The following USO1 variants were observed in gnomAD, a reference collection of about 807,000 sequenced individuals.
USO1 encodes USO1 vesicle transport factor.
A neutral mutation model predicts 124.5 loss-of-function variants in USO1; 57 were observed. The observed-to-expected ratio is 0.46, with a 90% CI of 0.37 to 0.57. The LOEUF (loss-of-function observed/expected upper bound fraction) is 0.57. USO1 is among the 20% of genes least tolerant of loss of function. USO1 has a pLI of 0.00. For synonymous variants in USO1, 369 were observed against 362.8 expected, an observed-to-expected ratio of 1.02 and a Z score of -0.19; for missense variants, 900 against 1,040.6, an observed-to-expected ratio of 0.86 and a Z score of 1.86.
At chr4:75,742,443 A>G (rs562974161) in intron 1 of USO1, among the ~76,000 whole-genome samples, 81 of 152,334 alleles carry the variant, frequency 5.3e-4, no homozygotes, top group African/African-American at 1.8e-3. Flanking sequence ...AAAATTTTTA[A>G]CAGTGGGTTT....
At chr4:75,735,622 G>C (rs755734931) in intron 1 of USO1, among the ~76,000 whole-genome samples, 1 of 152,070 alleles carries the variant, frequency 6.6e-6, no homozygotes, top group Non-Finnish European at 1.5e-5. Flanking sequence ...CTATACTCAA[G>C]CAACCTTCCC....
In USO1 at chr4:75,800,768, T is replaced by C. The variant is rs1482583281; in HGVS notation, c.1833T>C (p.His611=). ...FPSPEYMIFD[H]EFTKLVKELE... ...GTCCAGAATACATGATATTTGATCA[T>C]GAGTTTACGAAGCTGGTAAAAGAAC... Residue 611 remains histidine, a synonymous_variant, in exon 16 of 24, where the codon CAT becomes CAC. Coordinates refer to ENST00000514213, the MANE Select transcript of USO1 (RefSeq NM_003715.4). 6.2e-7 allele frequency: 1 copy of C among 1,612,408 alleles called. No individual in the cohort carries two copies. Among genetic ancestry groups the C allele is most frequent in the African/African-American group, 1.3e-5 (1 of 74,888 alleles).
intron 12 of USO1, 112 bp downstream of exon 12, chr4:75,790,909 G>GAAA: frequency 1.7e-6 from 2 of 1,174,968 alleles, no homozygotes; most frequent in South Asian, 2.5e-5. Context: ...ATGCTTAGGA[G>GAAA]AGAAAAAAAA....
At chr4:75,739,383 G>T (rs1720889889) in intron 1 of USO1, among the ~76,000 whole-genome samples, 1 of 152,038 alleles carries the variant, frequency 6.6e-6, no homozygotes, top group African/African-American at 2.4e-5. Context: ...AGATGGTACA[G>T]CAGTGAAAAA....
chr4:75,778,999 CTG>C (rs1722147315), intron 8 of USO1, among the ~76,000 whole-genome samples: 1 of 152,286 alleles, frequency 6.6e-6, no homozygotes, highest in East Asian at 1.9e-4. Flanking sequence ...CTTCATGTCT[CTG>C]TCACAATTAA....
chr4:75,805,709 TAAAAAAA>T (rs74838987), intron 19 of USO1, among the ~76,000 whole-genome samples: 1 of 117,834 alleles, frequency 8.5e-6, no homozygotes, highest in Non-Finnish European at 1.8e-5. Context: ...ACTTTCCATC[TAAAAAAA>T]AAAAAAAAAA....
intron 1 of USO1, among the ~76,000 whole-genome samples, chr4:75,725,354 A>T (rs1306288871): frequency 2.6e-5 from 4 of 152,216 alleles, no homozygotes; most frequent in Non-Finnish European, 5.9e-5. Context: ...TTTAAAACCC[A>T]GCTGTTGGTG....
At chr4:75,807,231 A>G (rs937560162) in intron 20 of USO1, among the ~76,000 whole-genome samples, 9 of 152,172 alleles carry the variant, frequency 5.9e-5, no homozygotes, top group African/African-American at 1.7e-4. Context: ...TTACAATTAA[A>G]TAATGTAGCA....
intron 13 of USO1, among the ~76,000 whole-genome samples, chr4:75,796,897 T>C (rs1722700525): frequency 6.6e-6 from 1 of 151,300 alleles, no homozygotes; most frequent in Non-Finnish European, 1.5e-5. Flanking sequence ...TTTTCTGGTA[T>C]GTCATTTGTC....
chr4:75,770,401 A>G, intron 4 of USO1, 38 bp from the exon 5 acceptor site: 4 of 1,482,194 alleles, frequency 2.7e-6, no homozygotes, highest in Non-Finnish European at 3.6e-6. Flanking sequence ...AAAATAACCT[A>G]CTATTAAATT....
At chr4:75,724,906 G>A (rs1720352412) in intron 1 of USO1, 21 bp downstream of exon 1, 3 of 1,612,226 alleles carry the variant, frequency 1.9e-6, no homozygotes, top group Non-Finnish European at 1.7e-6. Flanking sequence ...CAGCGGGTCT[G>A]GGACTTGGGA....
chr4:75,777,702 C>T lies in USO1; in HGVS notation c.676+2906C>T, dbSNP rs1323515033. ...AAACATTGACACCACCAAATGATGG[C>T]GAAGATGTGGAACAACAAAAACACA... On this transcript the variant is annotated intron_variant, in intron 8 of 23. Transcript: ENST00000514213. 6.6e-5 allele frequency among the ~76,000 whole-genome samples: 10 copies of T among 152,166 alleles called. No homozygotes were observed. In the East Asian group the frequency reaches 1.7e-3, roughly 26 times the overall value.
chr4:75,752,889 T>G (rs1721331051), intron 3 of USO1, among the ~76,000 whole-genome samples: 1 of 152,128 alleles, frequency 6.6e-6, no homozygotes, highest in African/African-American at 2.4e-5. Context: ...CGATAAAGAT[T>G]TATTGGACAG....
chr4:75,740,310 T>C (rs1450038535), intron 1 of USO1, among the ~76,000 whole-genome samples: 1 of 152,216 alleles, frequency 6.6e-6, no homozygotes, highest in African/African-American at 2.4e-5. Context: ...TTTTTAGAGA[T>C]GGAGTCTCAC....
chr4:75,795,414 G>C, intron 13 of USO1: 1 of 691,108 alleles, frequency 1.4e-6, no homozygotes, highest in South Asian at 1.6e-5. Context: ...CTTTTTCTCT[G>C]TCTTGGGTTT....
intron 1 of USO1, among the ~76,000 whole-genome samples, chr4:75,748,951 A>T (rs112961296): frequency 1.5e-4 from 23 of 151,824 alleles, no homozygotes; most frequent in Admixed American, 3.9e-4. Context: ...TAGTAAAAAA[A>T]ATATATATAT....
At position 75,724,845 on chromosome 4, in the gene USO1, G is replaced by A; in HGVS notation, c.26G>A (p.Gly9Glu). The A allele has an allele frequency of 6.2e-7, 1 of 1,613,862 alleles. No homozygotes were observed. Among genetic ancestry groups the A allele is most frequent in the Non-Finnish European group, 8.5e-7 (1 of 1,179,796 alleles). The change falls in exon 1 of 24, where the codon GGG becomes GAG. Residue 9 changes from glycine (G) to glutamate (E), a missense_variant. Coordinates refer to ENST00000514213, the MANE Select transcript of USO1 (RefSeq NM_003715.4). MNFLRGVMGGQSAGPQHTE... is the reference protein window; with the variant it reads MNFLRGVMEGQSAGPQHTE... ...ATGAATTTCCTCCGCGGGGTAATGG[G>A]GGGTCAGAGTGCCGGACCCCAGCAC...
At chr4:75,738,057 A>G (rs937727835) in intron 1 of USO1, among the ~76,000 whole-genome samples, 8 of 151,110 alleles carry the variant, frequency 5.3e-5, no homozygotes, top group African/African-American at 1.7e-4. Flanking sequence ...CTGGTCTCGA[A>G]CTCCTGACCT....
intron 7 of USO1, among the ~76,000 whole-genome samples, chr4:75,772,330 G>A (rs746284662): frequency 4.6e-5 from 7 of 151,774 alleles, no homozygotes; most frequent in East Asian, 3.9e-4. Context: ...TCTGCCTCCC[G>A]GATTCAAGCA....
Sources: gnomAD v4.1 joint callset for allele counts (sites outside exome capture counted in the v4.1 genomes callset) on GRCh38, gnomAD v4.1.1 for gene constraint, MANE v1.5 for transcripts, NCBI Gene and HGNC (gene_info 2026-07-23, HGNC 2026-07-21) for gene names.